LARP4B: variants seen among roughly 807,000 people sequenced by gnomAD.
LARP4B encodes the protein la-related protein 4B.
In LARP4B, 12 loss-of-function variants were observed where a neutral mutation model predicts 89.8. That is an observed-to-expected ratio of 0.13 (90% CI 0.09 to 0.22). LARP4B has a LOEUF of 0.22. Ranked by LOEUF, LARP4B falls within the 10% of genes least tolerant of loss-of-function variation. The pLI, the probability that LARP4B is intolerant of heterozygous loss-of-function variation, is 1.00. For missense variants in LARP4B, 757 were observed against 947.7 expected, an observed-to-expected ratio of 0.80 and a Z score of 2.64; for synonymous variants, 367 against 363.3, an observed-to-expected ratio of 1.01 and a Z score of -0.12.
intron 13 of LARP4B, 81 bp from the exon 14 acceptor site, chr10:820,926 T>C: frequency 8.4e-7 from 1 of 1,189,158 alleles, no homozygotes; most frequent in Non-Finnish European, 1.2e-6. Context: ...ACTCACATAA[T>C]CAAAGTACAC....
In LARP4B at chr10:864,130, G is replaced by A. The variant is rs1564415647; in HGVS notation, c.282C>T (p.Gly94=). ...EEVAGHHADR[G]PQGSDANGDG... ...CGGCCATGCTCAACTTACCCTGCGG[G>A]CCACGGTCTGCGTGGTGGCCAGCCA... Residue 94 remains glycine, a synonymous_variant, in exon 4 of 18, where the codon GGC becomes GGT. Transcript: ENST00000316157. 1 of 1,614,172 alleles carries A rather than the reference G, an allele frequency of 6.2e-7. No homozygotes were observed. Among genetic ancestry groups the A allele is most frequent in the South Asian group, 1.1e-5 (1 of 91,084 alleles).
At chr10:862,817 C>G (rs2131837270) in intron 5 of LARP4B, among the ~76,000 whole-genome samples, 1 of 152,198 alleles carries the variant, frequency 6.6e-6, no homozygotes, top group South Asian at 2.1e-4. Context: ...GTGGTACACT[C>G]CATAACTGGG....
rs761431134 is a variant in LARP4B, at chr10:836,518, A to G, written c.647-12T>C. Reference sequence around the variant, plus strand: ...GACTAAAGGTAAAGCTACAAAGAGAAGAAAAATCAATGGTGAAACAAAAAT... The same window carrying G: ...GACTAAAGGTAAAGCTACAAAGAGAGGAAAAATCAATGGTGAAACAAAAAT... On this transcript the variant is annotated splice_polypyrimidine_tract_variant and intron_variant, in intron 7 of 17. Coordinates refer to ENST00000316157, the MANE Select transcript of LARP4B (RefSeq NM_015155.3). 5 of 1,539,110 alleles carry G rather than the reference A, an allele frequency of 3.2e-6. No homozygotes were observed. Among genetic ancestry groups the G allele is most frequent in the Non-Finnish European group, 4.5e-6 (5 of 1,115,498 alleles).
At chr10:920,964 A>C (rs1023521849) in intron 1 of LARP4B, among the ~76,000 whole-genome samples, 9 of 152,124 alleles carry the variant, frequency 5.9e-5, no homozygotes, top group Non-Finnish European at 1.2e-4. Flanking sequence ...CACACTTCCC[A>C]ACATCAAATT....
chr10:915,323 T>C (rs1370888790), intron 1 of LARP4B, among the ~76,000 whole-genome samples: 1 of 152,104 alleles, frequency 6.6e-6, no homozygotes, highest in Non-Finnish European at 1.5e-5. Flanking sequence ...ACTGACAATA[T>C]ACTGATGCAA....
In LARP4B at chr10:917,458, G is replaced by A. The variant is rs182250225; in HGVS notation, c.-40+13970C>T. Among the ~76,000 whole-genome samples the A allele has an allele frequency of 1.9e-4, 29 of 152,264 alleles. No homozygotes were observed. The Middle Eastern group carries it at 0.014, about 71-fold the overall frequency. On this transcript the variant is annotated intron_variant, in intron 1 of 17. Coordinates refer to ENST00000316157, the MANE Select transcript of LARP4B (RefSeq NM_015155.3). ...CAATTAAGACACTGGTTATTCTACC[G>A]ACACTCTTGACTGGAATGGCGTATT... is the stretch of plus-strand genomic sequence containing the variant.
intron 3 of LARP4B, among the ~76,000 whole-genome samples, chr10:872,593 G>A (rs1247536019): frequency 1.3e-5 from 2 of 152,214 alleles, no homozygotes; most frequent in Non-Finnish European, 2.9e-5. Flanking sequence ...CACTGCTGAG[G>A]TGAACGCTGA....
the LARP4B span, chr10:985,786 G>C: frequency 1.3e-5 from 2 of 152,218 alleles, no homozygotes; most frequent in Non-Finnish European, 1.5e-5. Flanking sequence ...CCTACATCAG[G>C]AACTTACTCA....
the LARP4B span, among the ~76,000 whole-genome samples, chr10:984,666 C>T: frequency 1.3e-5 from 2 of 152,164 alleles, no homozygotes; most frequent in African/African-American, 4.8e-5. Context: ...TTATTGACAG[C>T]ATATGACCCC....
At chr10:895,206 GTAAAA>G (rs935234591) in intron 1 of LARP4B, among the ~76,000 whole-genome samples, 3 of 150,918 alleles carry the variant, frequency 2.0e-5, no homozygotes, top group Admixed American at 1.3e-4. Context: ...ATAAAATAAC[GTAAAA>G]TAAAATAAAA....
At chr10:973,695 A>C in the LARP4B span, among the ~76,000 whole-genome samples, 1 of 152,002 alleles carries the variant, frequency 6.6e-6, no homozygotes, top group Non-Finnish European at 1.5e-5. Context: ...CCACAGCCAC[A>C]CTGGTTCCCG....
chr10:826,497 A>C lies in LARP4B; in HGVS notation c.1126-627T>G, dbSNP rs183160146. Among the ~76,000 whole-genome samples the C allele has an allele frequency of 2.5e-3, 387 of 152,376 alleles. 2 individuals carry two copies. The highest frequency in any genetic ancestry group is 9.0e-3 in the African/African-American group (373 of 41,584). On this transcript the variant is annotated intron_variant, in intron 11 of 17. Transcript: ENST00000316157. ...AACCCCTAAAAGATCTTAAGTAGTT[A>C]AAAATATTGAGCATAGAATTTTAAG... is the stretch of plus-strand genomic sequence containing the variant.
chr10:972,674 C>A, the LARP4B span: 1 of 457,152 alleles, frequency 2.2e-6, no homozygotes, highest in Admixed American at 2.3e-5. Context: ...ATGAAGTATG[C>A]ACTTGCTGAG....
chr10:866,424 C>A (rs1213690186), intron 3 of LARP4B, among the ~76,000 whole-genome samples: 1 of 152,202 alleles, frequency 6.6e-6, no homozygotes, highest in South Asian at 2.1e-4. Context: ...GTGCCAGGCA[C>A]GGCACTGAGC....
At position 812,907 on chromosome 10, in the gene LARP4B, C is replaced by G; in HGVS notation, c.*19G>C. On this transcript the variant is annotated 3_prime_UTR_variant, in exon 18 of 18. Transcript: ENST00000316157. ...GTGGTTAACACAGCGCTCTGCGACC[C>G]CTCCCAGACGTACGGTTTTCACTGA... 1 of 1,518,222 alleles carries G rather than the reference C, an allele frequency of 6.6e-7. No homozygotes were observed. The highest frequency in any genetic ancestry group is 8.8e-7 in the Non-Finnish European group (1 of 1,138,722). The allele number at this position is 1,518,222 out of a possible 1,614,324, so 94.0% of individuals were successfully genotyped here.
At chr10:869,351 A>G (rs1227199603) in intron 3 of LARP4B, among the ~76,000 whole-genome samples, 1 of 152,198 alleles carries the variant, frequency 6.6e-6, no homozygotes, top group East Asian at 1.9e-4. Context: ...CTCTGACAAC[A>G]CTGCGGCCAG....
At chr10:968,557 G>A in the LARP4B span, among the ~76,000 whole-genome samples, 38 of 144,054 alleles carry the variant, frequency 2.6e-4, 1 homozygote, top group African/African-American at 1.0e-3. Context: ...CTAATCTAAG[G>A]AACAAAGACA....
intron 3 of LARP4B, chr10:873,487 G>C (rs1339971833): frequency 2.3e-6 from 2 of 887,120 alleles, no homozygotes; most frequent in Non-Finnish European, 2.7e-6. Flanking sequence ...CAGGCTTCTG[G>C]TTTTTCTACA....
the LARP4B span, among the ~76,000 whole-genome samples, chr10:983,113 G>A: frequency 4.6e-5 from 7 of 152,192 alleles, no homozygotes; most frequent in East Asian, 1.9e-4. Context: ...GACATTATTC[G>A]TTGTAGCATA....
Sources: allele counts gnomAD v4.1 joint callset (sites outside exome capture counted in the v4.1 genomes callset), GRCh38; gene constraint gnomAD v4.1.1; transcripts MANE v1.5; gene names NCBI Gene and HGNC (gene_info 2026-07-23, HGNC 2026-07-21).